WNT9B: variants seen among roughly 807,000 people sequenced by gnomAD.
WNT9B encodes the protein protein Wnt-9b.
In WNT9B, 12 loss-of-function variants were observed where a neutral mutation model predicts 30.2. That is an observed-to-expected ratio of 0.40 (90% CI 0.26 to 0.64). The LOEUF (loss-of-function observed/expected upper bound fraction) is 0.64, where lower values mean the gene tolerates loss of function less well. Ranked by LOEUF, WNT9B falls within the 30% of genes least tolerant of loss-of-function variation. The pLI, the probability that WNT9B is intolerant of heterozygous loss-of-function variation, is 0.42. For synonymous variants in WNT9B, 218 were observed against 216.9 expected (o/e 1.01, Z -0.05); for missense variants, 442 against 485.2 (o/e 0.91, Z 0.84).
intron 1 of WNT9B, among the ~76,000 whole-genome samples, chr17:46,860,259 C>T (rs1327365926): frequency 2.0e-5 from 3 of 152,088 alleles, no homozygotes; most frequent in Admixed American, 6.6e-5. Flanking sequence ...GAAGCGGGGC[C>T]GGCAGACTCC....
intron 1 of WNT9B, chr17:46,833,448 T>C: frequency 2.0e-6 from 1 of 511,438 alleles, no homozygotes; most frequent in South Asian, 1.4e-5. Context: ...AAGGTGAGTG[T>C]TAGGGAGGAA....
chr17:46,846,770 A>G (rs731120), upstream of WNT9B, among the ~76,000 whole-genome samples: 10 of 152,096 alleles, frequency 6.6e-5, no homozygotes, highest in Non-Finnish European at 1.0e-4. Flanking sequence ...CAATTCAAAG[A>G]GTTCTGTGAG....
In WNT9B at chr17:46,851,731, G is replaced by C. The variant is rs2084849453; in HGVS notation, c.77+16G>C. 1.6e-6 allele frequency: 2 copies of C among 1,248,750 alleles called. No individual in the cohort carries two copies. Among genetic ancestry groups the C allele is most frequent in the African/African-American group, 1.6e-5 (1 of 63,806 alleles). The allele number at this position is 1,248,750 out of a possible 1,614,324, so 77.4% of individuals were successfully genotyped here. A position where few individuals can be genotyped will look rare whatever the true frequency, so the allele number is the denominator to read the frequency against. ...CCTACTTCGGGTCAGTGCCCGCCGCGCCCCCCGCCCGCTCCCCGGCCTGCC... is the reference window on the plus strand; with the variant it reads ...CCTACTTCGGGTCAGTGCCCGCCGCCCCCCCCGCCCGCTCCCCGGCCTGCC... On this transcript the variant is annotated intron_variant, in intron 1 of 3. Transcript: ENST00000290015. The surrounding 1 kb of genome is among the most constrained non-coding windows in gnomAD (Gnocchi z 4.3).
intron 1 of WNT9B, among the ~76,000 whole-genome samples, chr17:46,844,124 T>G (rs917031998): frequency 2.6e-5 from 4 of 151,994 alleles, no homozygotes; most frequent in South Asian, 4.1e-4. Flanking sequence ...TGGCTAATTT[T>G]TTTTTTCTTT....
chr17:46,872,753 G>A lies in WNT9B; in HGVS notation c.314G>A (p.Arg105Lys), dbSNP rs1182092564. 1 of 1,610,492 alleles carries A rather than the reference G, an allele frequency of 6.2e-7. No individual in the cohort carries two copies. Among genetic ancestry groups the A allele is most frequent in the Non-Finnish European group, 8.5e-7 (1 of 1,178,894 alleles). ...CGCTGGAACTGTAGCCTGGAGGGCA[G>A]GATGGGCCTGCTCAAGAGAGGTGGG... is the stretch of plus-strand genomic sequence containing the variant. ...HERWNCSLEG[R>K]MGLLKRGFKE... The change falls in exon 2 of 4, where the codon AGG becomes AAG. Residue 105 changes from arginine (R) to lysine (K), a missense_variant. Physicochemically the swap from Arg to Lys is conservative, Grantham distance 26. Coordinates refer to ENST00000290015, the MANE Select transcript of WNT9B (RefSeq NM_003396.3).
intron 1 of WNT9B, among the ~76,000 whole-genome samples, chr17:46,860,716 G>C (rs1471648725): frequency 1.3e-5 from 2 of 152,184 alleles, no homozygotes; most frequent in Non-Finnish European, 2.9e-5. Context: ...CTTCTTCTCT[G>C]TGCCTGTATC....
chr17:46,872,668 A>G lies in WNT9B; in HGVS notation c.229A>G (p.Thr77Ala). ...CCGGAGGGAGCCCGGCCTGGCTGAG[A>G]CCCTGAGGGATGCTGCGCACCTCGG... Reference protein sequence around the residue: ...LCRREPGLAETLRDAAHLGLL... With the variant: ...LCRREPGLAEALRDAAHLGLL... The change falls in exon 2 of 4, where the codon ACC (threonine) becomes GCC (alanine). Residue 77 changes from threonine to alanine, a missense_variant. Thr to Ala is a moderately conservative substitution (Grantham distance 58). Coordinates refer to ENST00000290015, the MANE Select transcript of WNT9B (RefSeq NM_003396.3). The G allele has an allele frequency of 6.2e-7, 1 of 1,613,408 alleles. No homozygotes were observed. Among genetic ancestry groups the G allele is most frequent in the Non-Finnish European group, 8.5e-7 (1 of 1,179,968 alleles).
chr17:46,875,019 G>C, intron 2 of WNT9B, 82 bp from the exon 3 acceptor site: 1 of 1,609,552 alleles, frequency 6.2e-7, no homozygotes, highest in Non-Finnish European at 8.5e-7. Context: ...GGCCCTCAGA[G>C]GGCGGCAGGC....
rs575819168 is a variant in WNT9B, at chr17:46,873,930, A to G, written c.334+1157A>G. Among the ~76,000 whole-genome samples, 162 of 151,172 alleles carry G rather than the reference A, an allele frequency of 1.1e-3. 1 individual carries two copies. Among genetic ancestry groups the G allele is most frequent in the Non-Finnish European group, 2.1e-3 (140 of 67,844 alleles). On this transcript the variant is annotated intron_variant, in intron 2 of 3. Transcript: ENST00000290015. ...CTTGAACCCGGGAGGTGGAGGTTGC[A>G]GTGAGCCAAGATTGTGTCACTGCAC... is the stretch of plus-strand genomic sequence containing the variant.
chr17:46,840,333 G>A (rs1000753559), intron 1 of WNT9B, among the ~76,000 whole-genome samples: 6 of 152,044 alleles, frequency 3.9e-5, no homozygotes, highest in East Asian at 1.9e-4. Flanking sequence ...TGATCCACCC[G>A]CCTCGGCCTC....
At chr17:46,851,570 C>A, upstream of WNT9B, 1 of 870,218 alleles carries the variant, frequency 1.1e-6, no homozygotes, top group Non-Finnish European at 1.5e-6. This position sits in a 1 kb window ranked among gnomAD's most constrained non-coding sequence, Gnocchi z 4.3. Context: ...GTCCCGCGGG[C>A]GGGTGGTGGC....
intron 1 of WNT9B, among the ~76,000 whole-genome samples, chr17:46,834,508 C>T (rs1450546867): frequency 6.6e-6 from 1 of 152,164 alleles, no homozygotes; most frequent in African/African-American, 2.4e-5. Flanking sequence ...GTACGGAGCT[C>T]CTTGAGTGGA....
chr17:46,836,095 CGTGTGT>C (rs59862934), intron 1 of WNT9B, among the ~76,000 whole-genome samples: 401 of 126,486 alleles, frequency 3.2e-3, no homozygotes, highest in African/African-American at 9.3e-3. Flanking sequence ...GAGACGCTGA[CGTGTGT>C]GTGTGTGTGT....
intron 1 of WNT9B, among the ~76,000 whole-genome samples, chr17:46,866,496 G>A (rs112985198): frequency 0.011 from 1,634 of 152,018 alleles, 31 homozygotes; most frequent in African/African-American, 0.036. Context: ...GTGTGTAGGG[G>A]GATCAGTGAG....
At chr17:46,849,111 A>C (rs1434239782), upstream of WNT9B, among the ~76,000 whole-genome samples, 1 of 152,206 alleles carries the variant, frequency 6.6e-6, no homozygotes, top group Non-Finnish European at 1.5e-5. Context: ...GAAACCTGGT[A>C]CAGTTCTAAC....
Position 46,853,363 on chromosome 17 carries a change from C to CTTTTTT in WNT9B, c.77+1669_77+1674dup, listed in dbSNP as rs35252647. On this transcript the variant is annotated intron_variant, in intron 1 of 3. Coordinates refer to ENST00000290015, the MANE Select transcript of WNT9B (RefSeq NM_003396.3). ...GTAAGTGCTCAACTAATGCTAGTGA[C>CTTTTTT]TTTTTTTTTTTTTTTTTTTTTTTTT... 1.0e-3 allele frequency among the ~76,000 whole-genome samples: 82 copies of CTTTTTT among 78,906 alleles called. 8 individuals carry two copies. Among genetic ancestry groups the CTTTTTT allele is most frequent in the East Asian group, 5.0e-3 (10 of 1,984 alleles). The allele number at this position is 78,906 out of a possible 152,430, so 51.8% of individuals were successfully genotyped here. A position where few individuals can be genotyped will look rare whatever the true frequency, so the allele number is the denominator to read the frequency against.
exon 5 of WNT9B, chr17:46,886,346 A>G (rs1284756655): frequency 6.6e-6 from 1 of 152,230 alleles, no homozygotes; most frequent in Non-Finnish European, 1.5e-5. Context: ...GCATAGAACT[A>G]TTGGGCCCCT....
intron 1 of WNT9B, among the ~76,000 whole-genome samples, chr17:46,870,195 T>C (rs2085215096): frequency 6.6e-6 from 1 of 152,278 alleles, no homozygotes; most frequent in African/African-American, 2.4e-5. Flanking sequence ...AGGTCCAGTT[T>C]CTGAAACACA....
chr17:46,860,228 G>C (rs2085012391), intron 1 of WNT9B, among the ~76,000 whole-genome samples: 1 of 152,184 alleles, frequency 6.6e-6, no homozygotes, highest in Admixed American at 6.5e-5. Flanking sequence ...TGTGGCTGAG[G>C]ACGGGAAGGA....
Sources: gnomAD v4.1 joint callset for allele counts (sites outside exome capture counted in the v4.1 genomes callset) on GRCh38, gnomAD v4.1.1 for gene constraint, Gnocchi (gnomAD v3.1) non-coding constraint, MANE v1.5 for transcripts, NCBI Gene and HGNC (gene_info 2026-07-23, HGNC 2026-07-21) for gene names.